Variants in TUSC7 observed in about 807,000 individuals in gnomAD.
TUSC7 encodes the protein LSAMP antisense RNA 3.
chr3:116,710,891 G>A (rs2051457024), intron 1 of TUSC7, among the ~76,000 whole-genome samples: 1 of 151,994 alleles, frequency 6.6e-6, no homozygotes, highest in Non-Finnish European at 1.5e-5. Context: ...GACTACCCTG[G>A]GAATTAGAAG....
intron 1 of TUSC7, among the ~76,000 whole-genome samples, chr3:116,713,260 AC>A (rs1457407715): frequency 6.6e-6 from 1 of 152,154 alleles, no homozygotes; most frequent in African/African-American, 2.4e-5. Flanking sequence ...AGTGAGAAAA[AC>A]AATTCCTTCT....
chr3:116,712,127 A>G (rs1474059563), intron 1 of TUSC7, among the ~76,000 whole-genome samples: 3 of 152,192 alleles, frequency 2.0e-5, no homozygotes. Flanking sequence ...CATAGTTTAC[A>G]ATTGTTTCTC....
At chr3:116,712,856 T>C (rs2051473824) in intron 1 of TUSC7, 1 of 152,096 alleles carries the variant, frequency 6.6e-6, no homozygotes, top group African/African-American at 2.4e-5. Context: ...ACTGAGAAAA[T>C]GGTAAGTGAG....
chr3:116,712,863 T>G (rs2051473910), intron 1 of TUSC7: 1 of 152,132 alleles, frequency 6.6e-6, no homozygotes, highest in South Asian at 2.1e-4. Flanking sequence ...AAATGGTAAG[T>G]GAGAGAATAA....
chr3:116,715,127 A>G (rs115412949), intron 1 of TUSC7, among the ~76,000 whole-genome samples: 4,817 of 152,272 alleles, frequency 0.032, 108 homozygotes, highest in Middle Eastern at 0.085. Context: ...AGTAATATGC[A>G]TTTAAGATTT....
At chr3:116,714,632 A>G (rs2051489880) in intron 1 of TUSC7, among the ~76,000 whole-genome samples, 1 of 152,178 alleles carries the variant, frequency 6.6e-6, no homozygotes, top group African/African-American at 2.4e-5. Context: ...TTCCAACTGT[A>G]TGACAGAGCA....
intron 1 of TUSC7, chr3:116,712,490 G>A (rs1335369088): frequency 6.6e-6 from 1 of 152,150 alleles, no homozygotes; most frequent in African/African-American, 2.4e-5. Flanking sequence ...CAACAAATTG[G>A]ATGGAATTCA....
chr3:116,712,885 T>TTGTA (rs2107471824), intron 1 of TUSC7: 1 of 152,300 alleles, frequency 6.6e-6, no homozygotes, highest in African/African-American at 2.4e-5. Flanking sequence ...TAGTATCTGT[T>TTGTA]TGTATGTAGA....
At chr3:116,710,714 C>T (rs2051455922) in intron 1 of TUSC7, among the ~76,000 whole-genome samples, 1 of 152,054 alleles carries the variant, frequency 6.6e-6, no homozygotes, top group Admixed American at 6.6e-5. Context: ...TGAATCTTTT[C>T]CAAACTAATG....
intron 1 of TUSC7, among the ~76,000 whole-genome samples, chr3:116,713,035 T>G (rs1038656178): frequency 6.6e-6 from 1 of 152,208 alleles, no homozygotes; most frequent in Non-Finnish European, 1.5e-5. Context: ...AAAACACACA[T>G]AAATATATCT....
chr3:116,712,619 T>C (rs1431078680), intron 1 of TUSC7: 5 of 152,140 alleles, frequency 3.3e-5, no homozygotes, highest in Admixed American at 2.6e-4. Flanking sequence ...GAAAACTGTC[T>C]ACAAGCATTT....
chr3:116,709,956 G>A (rs1396619374), intron 1 of TUSC7: 1 of 152,070 alleles, frequency 6.6e-6, no homozygotes. Context: ...TCTGACAGTG[G>A]TTTAGACAAA....
chr3:116,714,246 G>A (rs2051486743), intron 1 of TUSC7: 1 of 152,122 alleles, frequency 6.6e-6, no homozygotes, highest in South Asian at 2.1e-4. Context: ...AGAGCTTTTA[G>A]AAATTTTACC....
intron 1 of TUSC7, chr3:116,712,304 A>G (rs1427745521): frequency 1.3e-5 from 2 of 152,216 alleles, no homozygotes; most frequent in African/African-American, 4.8e-5. Context: ...GGGACAATGA[A>G]TTATAGAATT....
At chr3:116,716,844 G>C (rs1033883251) in intron 1 of TUSC7, 1 of 152,076 alleles carries the variant, frequency 6.6e-6, no homozygotes, top group Non-Finnish European at 1.5e-5. Flanking sequence ...TCTGGCCTCT[G>C]TTCTGTCAGG....
At chr3:116,715,924 A>G (rs535211160) in intron 1 of TUSC7, among the ~76,000 whole-genome samples, 1 of 152,266 alleles carries the variant, frequency 6.6e-6, no homozygotes, top group South Asian at 2.1e-4. Flanking sequence ...ATAATATTTT[A>G]CTCCATTTAA....
intron 1 of TUSC7, among the ~76,000 whole-genome samples, chr3:116,715,710 T>G (rs1393847105): frequency 6.6e-6 from 1 of 152,186 alleles, no homozygotes; most frequent in East Asian, 1.9e-4. Flanking sequence ...TTTGCATAAT[T>G]TTGATATAGT....
At chr3:116,716,012 G>C (rs2051502342) in intron 1 of TUSC7, among the ~76,000 whole-genome samples, 1 of 152,148 alleles carries the variant, frequency 6.6e-6, no homozygotes. Context: ...GTGCCCTGTG[G>C]AAGAAAGGCC....
chr3:116,716,612 A>G (rs2107473279), intron 1 of TUSC7: 1 of 152,360 alleles, frequency 6.6e-6, no homozygotes, highest in Non-Finnish European at 1.5e-5. Flanking sequence ...CCATCAGACA[A>G]GGATGAGCTA....
Sources: gnomAD v4.1 joint callset for allele counts (sites outside exome capture counted in the v4.1 genomes callset) on GRCh38, gnomAD v4.1.1 for gene constraint, MANE v1.5 for transcripts, NCBI Gene and HGNC (gene_info 2026-07-23, HGNC 2026-07-21) for gene names.